Variants in KLHL25 observed in about 807,000 individuals in gnomAD.
KLHL25 encodes kelch like family member 25, also known as kelch-like protein 25.
Under a neutral mutation model 30.0 loss-of-function variants are expected in KLHL25, and 41 were observed. That is an observed-to-expected ratio of 1.37 (90% CI 1.07 to 1.78). The LOEUF is 1.78. Among genes scored for constraint, KLHL25 ranks in the 40% most tolerant of loss-of-function variants. The pLI is 0.00. For synonymous variants in KLHL25, 399 were observed against 355.3 expected (o/e 1.12, Z -1.38); for missense variants, 971 against 824.5 (o/e 1.18, Z -2.18).
rs2089570019 is a variant in KLHL25, at chr15:85,759,978, ACAAATGTTCAG to A, written c.*1047_*1057del. 1 of 152,326 alleles carries A rather than the reference ACAAATGTTCAG, an allele frequency of 6.6e-6. No homozygotes were observed. Among genetic ancestry groups the A allele is most frequent in the African/African-American group, 2.4e-5 (1 of 41,552 alleles). 9.4% of individuals were successfully genotyped at this position (152,326 alleles called of 1,614,324 possible). Reference sequence around the variant, plus strand: ...GTGACTCAGGAGGTGACAGCAATGAACAAATGTTCAGCAGTTCTCTCGGGGCCATTCTTATC... The same window carrying A: ...GTGACTCAGGAGGTGACAGCAATGAACAGTTCTCTCGGGGCCATTCTTATC... On this transcript the variant is annotated 3_prime_UTR_variant, in exon 3 of 3. Transcript: ENST00000337975.
Position 85,768,835 on chromosome 15 carries a change from G to C in KLHL25, c.976C>G (p.Leu326Val). The change falls in exon 2 of 3, where the codon CTG becomes GTG. Residue 326 changes from leucine (L) to valine (V), a missense_variant. Transcript: ENST00000337975. ...KAKEIIPKAD[L>V]PSPRKEFSAS... Reference sequence around the variant, plus strand: ...CTGAACTCCTTCCGGGGGCTGGGCAGGTCGGCCTTGGGGATGATCTCCTTG... The same window carrying C: ...CTGAACTCCTTCCGGGGGCTGGGCACGTCGGCCTTGGGGATGATCTCCTTG... 1.2e-6 allele frequency: 2 copies of C among 1,613,398 alleles called. No homozygotes were observed. Among genetic ancestry groups the C allele is most frequent in the Non-Finnish European group, 1.7e-6 (2 of 1,180,054 alleles).
intron 1 of KLHL25, among the ~76,000 whole-genome samples, chr15:85,772,900 C>T (rs770494673): frequency 1.3e-5 from 2 of 152,386 alleles, no homozygotes; most frequent in South Asian, 2.1e-4. Flanking sequence ...CCTAGACAGC[C>T]GCCAGCCTGG....
chr15:85,776,190 A>G lies in KLHL25; in HGVS notation c.-10-6370T>C, dbSNP rs1222560525. 2.0e-5 allele frequency among the ~76,000 whole-genome samples: 3 copies of G among 148,648 alleles called. No individual in the cohort carries two copies. In the East Asian group the frequency reaches 6.0e-4, roughly 30 times the overall value. ...TCTGTCTCAAAAAAAAAAAAAAGAA[A>G]GAAAGAAAGAAATGCAGGCAGGGCA... is the stretch of plus-strand genomic sequence containing the variant. On this transcript the variant is annotated intron_variant, in intron 1 of 2. Transcript: ENST00000337975.
chr15:85,761,959 A>C (rs1216482037), intron 2 of KLHL25: 1 of 152,268 alleles, frequency 6.6e-6, no homozygotes, highest in Non-Finnish European at 1.5e-5. Context: ...TCAATTAAAC[A>C]CTGAAGCCAG....
In KLHL25 at chr15:85,789,375, CCCTT is replaced by C. The variant is rs1169978130; in HGVS notation, c.-11+5387_-11+5390del. Among the ~76,000 whole-genome samples the C allele has an allele frequency of 6.9e-6, 1 of 144,858 alleles. No homozygotes were observed. The highest frequency in any genetic ancestry group is 1.5e-5 in the Non-Finnish European group (1 of 64,754). On this transcript the variant is annotated intron_variant, in intron 1 of 2. Coordinates refer to ENST00000337975, the MANE Select transcript of KLHL25 (RefSeq NM_022480.4). The surrounding 1 kb of genome is among the most constrained non-coding windows in gnomAD (Gnocchi z 4.1). The stretch of plus-strand genomic sequence containing the variant: ...TCGCCTCCTCCTGCCCTGCTGGGCT[CCCTT>C]GAGATCCCTTTTTTTTTTTTTGACA...
chr15:85,791,053 C>T (rs1041378047), intron 1 of KLHL25, among the ~76,000 whole-genome samples: 7 of 151,306 alleles, frequency 4.6e-5, no homozygotes, highest in Non-Finnish European at 7.4e-5. Context: ...TACAAAAAGC[C>T]GAGCATGGTG....
At chr15:85,772,681 C>T (rs567077819) in intron 1 of KLHL25, among the ~76,000 whole-genome samples, 52 of 152,286 alleles carry the variant, frequency 3.4e-4, no homozygotes, top group African/African-American at 1.1e-3. Context: ...CTCAAAAGAC[C>T]GAGAAAGCCA....
chr15:85,761,943 T>A (rs1281934877), intron 2 of KLHL25: 2 of 152,260 alleles, frequency 1.3e-5, no homozygotes, highest in East Asian at 1.9e-4. Flanking sequence ...TAACCTTAGT[T>A]ACATTTCAAT....
At chr15:85,773,706 A>G (rs571821982) in intron 1 of KLHL25, among the ~76,000 whole-genome samples, 3 of 152,334 alleles carry the variant, frequency 2.0e-5, no homozygotes, top group Admixed American at 1.3e-4. Context: ...ACTTTGAGGA[A>G]CGAAGCAGGC....
At chr15:85,766,606 C>T (rs952194013) in intron 2 of KLHL25, among the ~76,000 whole-genome samples, 2 of 151,406 alleles carry the variant, frequency 1.3e-5, no homozygotes, top group South Asian at 2.1e-4. Context: ...CGTTCCTTCC[C>T]TTCACTGCAG....
rs551411089 is a variant in KLHL25, at chr15:85,794,860, G to A, written c.-105C>T. On this transcript the variant is annotated 5_prime_UTR_variant, in exon 1 of 3. Coordinates refer to ENST00000337975, the MANE Select transcript of KLHL25 (RefSeq NM_022480.4). Reference sequence around the variant, plus strand: ...GGCTCCGCCGCGGCTCCCGTCGGCCGGCTCTCCACAGGCAAAAACGCTCTC... The same window carrying A: ...GGCTCCGCCGCGGCTCCCGTCGGCCAGCTCTCCACAGGCAAAAACGCTCTC... 6.6e-6 allele frequency: 1 copy of A among 152,458 alleles called. No individual in the cohort carries two copies. The highest frequency in any genetic ancestry group is 2.4e-5 in the African/African-American group (1 of 41,564). The allele number at this position is 152,458 out of a possible 1,614,324, so 9.4% of individuals were successfully genotyped here.
chr15:85,789,848 G>A lies in KLHL25; in HGVS notation c.-11+4918C>T, dbSNP rs899970012. Among the ~76,000 whole-genome samples the A allele has an allele frequency of 6.6e-6, 1 of 152,126 alleles. No homozygotes were observed. Among genetic ancestry groups the A allele is most frequent in the Non-Finnish European group, 1.5e-5 (1 of 68,024 alleles). ...TCTGTCTCCACCAGCCCCTTCGCAG[G>A]AGGCCTCAAACTCTGAGGCAGTGGG... On this transcript the variant is annotated intron_variant, in intron 1 of 2. Coordinates refer to ENST00000337975, the MANE Select transcript of KLHL25 (RefSeq NM_022480.4). This position sits in a 1 kb window ranked among gnomAD's most constrained non-coding sequence, Gnocchi z 4.1.
At chr15:85,776,186 A>G (rs1035143510) in intron 1 of KLHL25, among the ~76,000 whole-genome samples, 12 of 143,572 alleles carry the variant, frequency 8.4e-5, no homozygotes, top group African/African-American at 3.1e-4. Context: ...AAAAAAAAAA[A>G]GAAAGAAAGA....
Position 85,789,779 on chromosome 15 carries a change from G to A in KLHL25, c.-11+4987C>T, listed in dbSNP as rs969613400. 3.3e-5 allele frequency among the ~76,000 whole-genome samples: 5 copies of A among 152,054 alleles called. No homozygotes were observed. Among genetic ancestry groups the A allele is most frequent in the Admixed American group, 1.3e-4 (2 of 15,260 alleles). ...ACACACCACCTTCCCTTGAGCCCAC[G>A]CCTGCTCCCCTAAGCCCAGCCTGGT... On this transcript the variant is annotated intron_variant, in intron 1 of 2. Coordinates refer to ENST00000337975, the MANE Select transcript of KLHL25 (RefSeq NM_022480.4). This position sits in a 1 kb window ranked among gnomAD's most constrained non-coding sequence, Gnocchi z 4.1.
Position 85,779,499 on chromosome 15 carries a change from T to C in KLHL25, c.-10-9679A>G, listed in dbSNP as rs75596873. On this transcript the variant is annotated intron_variant, in intron 1 of 2. Transcript: ENST00000337975. ...GGGTGGGTGCAATTAGGAAAAAACA[T>C]CTAAAATGGCTTAGGGGTAGGGAGG... is the stretch of plus-strand genomic sequence containing the variant. 9.8e-3 allele frequency among the ~76,000 whole-genome samples: 1,493 copies of C among 152,272 alleles called. 16 individuals are homozygous for C. Among genetic ancestry groups the C allele is most frequent in the Non-Finnish European group, 0.016 (1,074 of 68,022 alleles).
intron 1 of KLHL25, among the ~76,000 whole-genome samples, chr15:85,776,859 AGGT>A (rs993412329): frequency 1.3e-5 from 2 of 152,002 alleles, no homozygotes; most frequent in Non-Finnish European, 1.5e-5. Context: ...CAGGAGGCGG[AGGT>A]TGCAGTGAGC....
chr15:85,784,548 A>T (rs1009674704), intron 1 of KLHL25, among the ~76,000 whole-genome samples: 3 of 72,666 alleles, frequency 4.1e-5, no homozygotes, highest in East Asian at 5.2e-4. Context: ...ATAAAAAAAT[A>T]AAAAAAAAAG....
At chr15:85,772,721 C>T (rs1425693750) in intron 1 of KLHL25, among the ~76,000 whole-genome samples, 1 of 152,220 alleles carries the variant, frequency 6.6e-6, no homozygotes, top group African/African-American at 2.4e-5. Context: ...ACAGGGCAGC[C>T]ACAATGGTCC....
At chr15:85,779,553 CA>C (rs537630830) in intron 1 of KLHL25, among the ~76,000 whole-genome samples, 199 of 152,334 alleles carry the variant, frequency 1.3e-3, no homozygotes, top group Admixed American at 2.4e-3. Context: ...ACACTGCAAA[CA>C]CAACTACTAT....
Sources: gnomAD v4.1 joint callset for allele counts (sites outside exome capture counted in the v4.1 genomes callset) on GRCh38, gnomAD v4.1.1 for gene constraint, Gnocchi (gnomAD v3.1) non-coding constraint, MANE v1.5 for transcripts, NCBI Gene and HGNC (gene_info 2026-07-23, HGNC 2026-07-21) for gene names.